Variants in PTPRD observed in about 807,000 individuals in gnomAD.
PTPRD encodes the protein receptor-type tyrosine-protein phosphatase delta.
Under a neutral mutation model 214.5 loss-of-function variants are expected in PTPRD, and 34 were observed. The ratio of observed to expected loss-of-function variants is 0.16; its 90% confidence interval spans 0.12 to 0.21. The LOEUF is 0.21. Among genes scored for constraint, PTPRD ranks in the 10% least tolerant of loss-of-function variants. PTPRD has a pLI of 1.00. For missense variants in PTPRD, 2,545 were observed against 2,398.7 expected (o/e 1.06, Z -1.27); for synonymous variants, 1,128 against 845.7 (o/e 1.33, Z -5.79).
intron 9 of PTPRD, among the ~76,000 whole-genome samples, chr9:9,317,409 C>A (rs563880900): frequency 3.9e-5 from 6 of 152,118 alleles, no homozygotes; most frequent in Non-Finnish European, 7.4e-5. Context: ...TAAAACTTTG[C>A]TTTTCCTTCT....
intron 12 of PTPRD, among the ~76,000 whole-genome samples, chr9:8,716,503 T>C (rs1367380413): frequency 2.0e-5 from 3 of 152,224 alleles, no homozygotes; most frequent in African/African-American, 7.2e-5. Context: ...CTGCTGGTAT[T>C]GAGAAATTTT....
At chr9:8,822,953 C>T (rs1465917369) in intron 11 of PTPRD, among the ~76,000 whole-genome samples, 4 of 152,132 alleles carry the variant, frequency 2.6e-5, no homozygotes, top group Non-Finnish European at 2.9e-5. Context: ...TGGAATCTTT[C>T]GAAAATAACA....
chr9:8,551,067 T>G (rs1050871626), intron 14 of PTPRD, among the ~76,000 whole-genome samples: 2 of 152,214 alleles, frequency 1.3e-5, no homozygotes, highest in African/African-American at 4.8e-5. Flanking sequence ...AAACATATGA[T>G]AAGACTATCA....
intron 8 of PTPRD, among the ~76,000 whole-genome samples, chr9:9,516,431 A>G (rs2096840224): frequency 6.6e-6 from 1 of 151,858 alleles, no homozygotes; most frequent in South Asian, 2.1e-4. Flanking sequence ...AGATTCTTAA[A>G]TTCTCTAATG....
intron 3 of PTPRD, among the ~76,000 whole-genome samples, chr9:10,280,735 G>C (rs1012145049): frequency 6.6e-6 from 1 of 151,796 alleles, no homozygotes; most frequent in Non-Finnish European, 1.5e-5. Context: ...TCAGCCTCCT[G>C]AGTAGCTAGG....
chr9:9,890,370 G>T (rs1156518919), intron 5 of PTPRD, among the ~76,000 whole-genome samples: 4 of 151,070 alleles, frequency 2.6e-5, no homozygotes, highest in South Asian at 4.2e-4. Flanking sequence ...TATTTTTTTT[G>T]AATTTTTTAT....
rs76125043 is a variant in PTPRD at position 8,606,021 on chromosome 9, C to T, written c.352+27296G>A. Among the ~76,000 whole-genome samples the T allele has an allele frequency of 3.8e-3, 575 of 152,000 alleles. 10 individuals carry two copies. Among genetic ancestry groups the T allele is most frequent in the African/African-American group, 0.013 (558 of 41,436 alleles). On this transcript the variant is annotated intron_variant, in intron 14 of 45. Coordinates refer to ENST00000381196, the MANE Select transcript of PTPRD (RefSeq NM_002839.4). ...TCGTATACTATATCATCCTAAAGAA[C>T]CTAAACTAAAAGGATCCTTATTTCA... is the stretch of plus-strand genomic sequence containing the variant.
chr9:8,762,903 C>G (rs925593393), intron 11 of PTPRD, among the ~76,000 whole-genome samples: 1 of 152,158 alleles, frequency 6.6e-6, no homozygotes, highest in Non-Finnish European at 1.5e-5. Context: ...GTAACTGGAA[C>G]ATGCATCGCC....
chr9:10,370,570 C>A (rs563821301), intron 2 of PTPRD, among the ~76,000 whole-genome samples: 68 of 152,056 alleles, frequency 4.5e-4, no homozygotes, highest in South Asian at 4.1e-4. Context: ...TTAATCAAAT[C>A]AAAAATTAAA....
chr9:10,208,394 G>T (rs1227140348), intron 3 of PTPRD, among the ~76,000 whole-genome samples: 4 of 152,080 alleles, frequency 2.6e-5, no homozygotes, highest in Admixed American at 1.3e-4. Flanking sequence ...GGCGCCTGTA[G>T]TCCCAGCTAC....
chr9:10,163,457 G>C (rs1282268286), intron 3 of PTPRD, among the ~76,000 whole-genome samples: 1 of 151,440 alleles, frequency 6.6e-6, no homozygotes, highest in African/African-American at 2.4e-5. Flanking sequence ...TTTATAAAGT[G>C]AGAGTGAATT....
chr9:9,068,673 G>A lies in PTPRD; in HGVS notation c.-142-49938C>T, dbSNP rs1028240986. Among the ~76,000 whole-genome samples, 15 of 151,994 alleles carry A rather than the reference G, an allele frequency of 9.9e-5. No individual in the cohort carries two copies. The South Asian group carries it at 1.2e-3, about 13-fold the overall frequency. Reference sequence around the variant, plus strand: ...TGTCCCCAGGCTGGAGTGCAGTGGCGCACTCTCAGCTCACTGCAGTCTCCG... The same window carrying A: ...TGTCCCCAGGCTGGAGTGCAGTGGCACACTCTCAGCTCACTGCAGTCTCCG... On this transcript the variant is annotated intron_variant, in intron 10 of 45. Transcript: ENST00000381196.
intron 3 of PTPRD, among the ~76,000 whole-genome samples, chr9:10,221,429 T>C (rs1049587689): frequency 6.6e-6 from 1 of 152,036 alleles, no homozygotes; most frequent in Admixed American, 6.6e-5. Context: ...AAGGGATTTT[T>C]TAAGCTTCCA....
intron 8 of PTPRD, among the ~76,000 whole-genome samples, chr9:9,462,044 G>GA (rs1362791123): frequency 6.6e-6 from 1 of 151,834 alleles, no homozygotes; most frequent in African/African-American, 2.4e-5. Context: ...CTCTATTTTT[G>GA]TCTTCCTGAT....
chr9:8,990,021 C>G (rs1225683443), intron 11 of PTPRD, among the ~76,000 whole-genome samples: 1 of 152,144 alleles, frequency 6.6e-6, no homozygotes, highest in Non-Finnish European at 1.5e-5. Context: ...ATCTAGACCT[C>G]ATTTAATCAG....
chr9:9,484,732 T>C (rs1343655089), intron 8 of PTPRD, among the ~76,000 whole-genome samples: 2 of 152,146 alleles, frequency 1.3e-5, no homozygotes, highest in Non-Finnish European at 2.9e-5. Flanking sequence ...CGAGGTCATA[T>C]AGGTATTACA....
At chr9:10,184,592 C>A (rs768117065) in intron 3 of PTPRD, among the ~76,000 whole-genome samples, 2 of 152,038 alleles carry the variant, frequency 1.3e-5, no homozygotes, top group South Asian at 4.2e-4. Flanking sequence ...GATAGCAATT[C>A]GTTATTTAAA....
intron 3 of PTPRD, among the ~76,000 whole-genome samples, chr9:10,228,708 A>C (rs1399661925): frequency 6.7e-6 from 1 of 150,138 alleles, no homozygotes; most frequent in Non-Finnish European, 1.5e-5. Context: ...CTATTGATAG[A>C]ATATATTATA....
intron 6 of PTPRD, among the ~76,000 whole-genome samples, chr9:9,762,850 GC>G (rs1356131725): frequency 2.6e-5 from 4 of 152,084 alleles, no homozygotes; most frequent in Non-Finnish European, 5.9e-5. Flanking sequence ...GGTTGCCATA[GC>G]AAGATACCAT....
Sources: allele counts gnomAD v4.1 joint callset (sites outside exome capture counted in the v4.1 genomes callset), GRCh38; gene constraint gnomAD v4.1.1; transcripts MANE v1.5; gene names NCBI Gene and HGNC (gene_info 2026-07-23, HGNC 2026-07-21).